RBM20: variants seen among roughly 807,000 people sequenced by gnomAD.
The protein encoded by RBM20 is RNA binding motif protein 20, also known as RNA-binding protein 20.
In RBM20, 51 loss-of-function variants were observed where a neutral mutation model predicts 110.1. That is an observed-to-expected ratio of 0.46 (90% CI 0.37 to 0.59). RBM20 has a LOEUF of 0.59. Ranked by LOEUF, RBM20 falls within the 20% of genes least tolerant of loss-of-function variation. RBM20 has a pLI of 0.00. For missense variants in RBM20, 1,512 were observed against 1,574.9 expected, an observed-to-expected ratio of 0.96 and a Z score of 0.68; for synonymous variants, 589 against 618.2, an observed-to-expected ratio of 0.95 and a Z score of 0.70.
chr10:110,789,688 G>T (rs1844461206), intron 5 of RBM20, among the ~76,000 whole-genome samples: 1 of 152,120 alleles, frequency 6.6e-6, no homozygotes, highest in Admixed American at 6.5e-5. Flanking sequence ...ACAGAGACGG[G>T]ACACTGCACT....
chr10:110,773,335 C>A (rs1194091430), intron 1 of RBM20, among the ~76,000 whole-genome samples: 3 of 152,172 alleles, frequency 2.0e-5, no homozygotes, highest in Admixed American at 2.0e-4. Flanking sequence ...TTGAACTTAG[C>A]AGAGTCTCAA....
At chr10:110,715,306 G>A (rs959037327) in intron 1 of RBM20, among the ~76,000 whole-genome samples, 2 of 151,368 alleles carry the variant, frequency 1.3e-5, no homozygotes, top group South Asian at 2.1e-4. Flanking sequence ...GTGAATATTC[G>A]TACTTCTATA....
intron 1 of RBM20, among the ~76,000 whole-genome samples, chr10:110,689,006 T>G (rs1285547613): frequency 6.6e-6 from 1 of 152,198 alleles, no homozygotes; most frequent in East Asian, 1.9e-4. Flanking sequence ...TTTTTTTGTT[T>G]GTTTGCATGT....
At chr10:110,735,230 A>T (rs1843658615) in intron 1 of RBM20, among the ~76,000 whole-genome samples, 1 of 152,196 alleles carries the variant, frequency 6.6e-6, no homozygotes, top group Admixed American at 6.5e-5. Context: ...GGAAAAAATA[A>T]ATAGTATATA....
intron 1 of RBM20, among the ~76,000 whole-genome samples, chr10:110,712,542 G>A (rs948861819): frequency 1.3e-5 from 2 of 152,148 alleles, no homozygotes; most frequent in Non-Finnish European, 2.9e-5. Context: ...CAAGGCGGGT[G>A]GATCACTTGA....
chr10:110,803,704 T>C (rs2135087574), intron 7 of RBM20, among the ~76,000 whole-genome samples: 1 of 148,168 alleles, frequency 6.7e-6, no homozygotes, highest in East Asian at 2.0e-4. Context: ...AATGTATGTC[T>C]CAACTACATA....
In RBM20 at chr10:110,799,858, G is replaced by T; in HGVS notation, c.1740G>T (p.Val580=). The change falls in exon 7 of 14, where the codon GTG becomes GTT. Residue 580 remains valine, a synonymous_variant. Transcript: ENST00000369519. The part of the protein sequence containing the change: ...MVQYYQEKSA[V]INGEKLLIRM... ...AGTATTATCAAGAAAAATCTGCTGTGATCAATGGTGAGAAGTTGCTCATTC... is the reference window on the plus strand; with the variant it reads ...AGTATTATCAAGAAAAATCTGCTGTTATCAATGGTGAGAAGTTGCTCATTC... The T allele has an allele frequency of 6.4e-7, 1 of 1,552,048 alleles. No homozygotes were observed. Among genetic ancestry groups the T allele is most frequent in the South Asian group, 1.2e-5 (1 of 84,042 alleles).
At chr10:110,820,213 G>T (rs1844890856) in intron 10 of RBM20, 37 bp downstream of exon 10, 1 of 1,423,826 alleles carries the variant, frequency 7.0e-7, no homozygotes, top group South Asian at 1.2e-5. Context: ...TCTGCCATGA[G>T]GGACTGAGTC....
chr10:110,706,142 T>C (rs1257429281), intron 1 of RBM20, among the ~76,000 whole-genome samples: 1 of 152,164 alleles, frequency 6.6e-6, no homozygotes, highest in Non-Finnish European at 1.5e-5. Flanking sequence ...GTTTTATTCC[T>C]GTTGTAAAAA....
intron 1 of RBM20, among the ~76,000 whole-genome samples, chr10:110,753,336 C>G (rs1006718034): frequency 4.6e-5 from 7 of 152,100 alleles, no homozygotes; most frequent in Non-Finnish European, 1.0e-4. Context: ...TAACCACTCC[C>G]AACTTATTTT....
Position 110,826,563 on chromosome 10 carries a change from T to C in RBM20, c.3451+2949T>C, listed in dbSNP as rs185120287. The stretch of plus-strand genomic sequence containing the variant: ...TCATCTGTACTGTTGGGTGGATCAG[T>C]AGTCTGTTTCATTCTTCTTCTTTTT... On this transcript the variant is annotated intron_variant, in intron 12 of 13. Transcript: ENST00000369519. 6.6e-5 allele frequency among the ~76,000 whole-genome samples: 10 copies of C among 151,380 alleles called. No individual in the cohort carries two copies. The East Asian group carries it at 1.9e-3, about 29-fold the overall frequency.
At chr10:110,701,246 A>C (rs888470884) in intron 1 of RBM20, among the ~76,000 whole-genome samples, 2 of 151,924 alleles carry the variant, frequency 1.3e-5, no homozygotes, top group Admixed American at 1.3e-4. Context: ...GATTGTGAAG[A>C]ATTTTTTTTT....
chr10:110,719,555 A>G lies in RBM20; in HGVS notation c.192-61246A>G, dbSNP rs369889385. Among the ~76,000 whole-genome samples the G allele has an allele frequency of 3.4e-3, 519 of 152,140 alleles. 2 individuals are homozygous for G. Among genetic ancestry groups the G allele is most frequent in the African/African-American group, 0.012 (498 of 41,510 alleles). ...TTTTGTCTCGCGGGTATATGTATGT[A>G]TAGTTTTAGGTTTTGTTTTTGTTTT... On this transcript the variant is annotated intron_variant, in intron 1 of 13. Transcript: ENST00000369519.
chr10:110,702,109 GC>G (rs1274481387), intron 1 of RBM20, among the ~76,000 whole-genome samples: 1 of 146,612 alleles, frequency 6.8e-6, no homozygotes, highest in Admixed American at 6.8e-5. Flanking sequence ...TCCCCAATGT[GC>G]CCACCTCTTC....
rs375886677 is a variant in RBM20, at chr10:110,723,820, G to C, written c.192-56981G>C. On this transcript the variant is annotated intron_variant, in intron 1 of 13. Coordinates refer to ENST00000369519, the MANE Select transcript of RBM20 (RefSeq NM_001134363.3). ...TTAACCCTGTTGTACAGATGAGCAC[G>C]GCCCTTCCTCTGTGGCAGTGCACAG... Among the ~76,000 whole-genome samples, 3 of 152,246 alleles carry C rather than the reference G, an allele frequency of 2.0e-5. No individual in the cohort carries two copies. In the East Asian group the frequency reaches 5.8e-4, roughly 29 times the overall value.
intron 1 of RBM20, among the ~76,000 whole-genome samples, chr10:110,692,526 A>G (rs1032842462): frequency 4.0e-5 from 6 of 151,882 alleles, no homozygotes; most frequent in African/African-American, 1.5e-4. Flanking sequence ...TGTTTTCATA[A>G]TTTTCTTTAT....
At position 110,644,498 on chromosome 10, in the gene RBM20, G is replaced by T; in HGVS notation, c.44G>T (p.Gly15Val). 1 of 1,525,574 alleles carries T rather than the reference G, an allele frequency of 6.6e-7. No homozygotes were observed. 94.5% of individuals were successfully genotyped at this position (1,525,574 alleles called of 1,614,324 possible). The change falls in exon 1 of 14, where the codon GGT becomes GTT. Residue 15 changes from glycine to valine, a missense_variant. Gly to Val is a moderately radical substitution (Grantham distance 109, BLOSUM62 -3). Coordinates refer to ENST00000369519, the MANE Select transcript of RBM20 (RefSeq NM_001134363.3). The surrounding 1 kb of genome is among the most constrained non-coding windows in gnomAD (Gnocchi z 4.3). ...ATGAGCCAGGACGCGGACCCCAGCG[G>T]TCCGGAGCAGCCGGACAGAGTTGCC... ...AAMSQDADPSGPEQPDRVACS... is the reference protein window; with the variant it reads ...AAMSQDADPSVPEQPDRVACS...
chr10:110,729,753 T>C (rs751710966), intron 1 of RBM20, among the ~76,000 whole-genome samples: 1 of 152,228 alleles, frequency 6.6e-6, no homozygotes, highest in Non-Finnish European at 1.5e-5. Flanking sequence ...AGATGCGATG[T>C]TGGAATGCTT....
chr10:110,754,274 T>TTAC (rs1843894987), intron 1 of RBM20, among the ~76,000 whole-genome samples: 2 of 152,258 alleles, frequency 1.3e-5, no homozygotes, highest in South Asian at 4.1e-4. Flanking sequence ...AGCTTTTCTC[T>TTAC]TGGTTTTAAT....
Sources: gnomAD v4.1 joint callset for allele counts (sites outside exome capture counted in the v4.1 genomes callset) on GRCh38, gnomAD v4.1.1 for gene constraint, Gnocchi (gnomAD v3.1) non-coding constraint, MANE v1.5 for transcripts, NCBI Gene and HGNC (gene_info 2026-07-23, HGNC 2026-07-21) for gene names.